The following PCDHA6 variants were observed in gnomAD, a reference collection of about 807,000 sequenced individuals.
The protein encoded by PCDHA6 is protocadherin alpha 6, also known as protocadherin alpha-6.
Under a neutral mutation model 60.3 loss-of-function variants are expected in PCDHA6, and 55 were observed. The observed-to-expected ratio is 0.91, with a 90% CI of 0.73 to 1.14. The LOEUF is 1.14. Among genes scored for constraint, PCDHA6 ranks in the 50% most tolerant of loss-of-function variants. The probability of loss-of-function intolerance (pLI) is 0.00; values close to 1 mark genes in which losing one functional copy is unlikely to be tolerated. For missense variants in PCDHA6, 1,327 were observed against 1,256.5 expected, an observed-to-expected ratio of 1.06 and a Z score of -0.85; for synonymous variants, 652 against 557.9, an observed-to-expected ratio of 1.17 and a Z score of -2.38.
chr5:140,917,030 G>A (rs1220107705), intron 1 of PCDHA6, among the ~76,000 whole-genome samples: 3 of 152,164 alleles, frequency 2.0e-5, no homozygotes, highest in Non-Finnish European at 4.4e-5. Context: ...GCTGCTGGCT[G>A]AGTCCAGCAC....
At chr5:140,966,805 T>G in intron 1 of PCDHA6, 1 of 1,545,566 alleles carries the variant, frequency 6.5e-7, no homozygotes, top group East Asian at 2.4e-5. Context: ...CGACAGAGCA[T>G]CCACGGCTCC....
intron 1 of PCDHA6, among the ~76,000 whole-genome samples, chr5:140,874,292 G>C (rs1554167129): frequency 2.0e-5 from 3 of 152,146 alleles, no homozygotes; most frequent in Non-Finnish European, 4.4e-5. Context: ...AAATCTATGT[G>C]TACTTGTTCA....
chr5:140,986,218 T>A (rs2153838096), intron 3 of PCDHA6, among the ~76,000 whole-genome samples: 1 of 152,304 alleles, frequency 6.6e-6, no homozygotes, highest in Non-Finnish European at 1.5e-5. Flanking sequence ...GGCCCCTTTC[T>A]CTAGCCTCCC....
At chr5:140,866,827 AT>A (rs1488157876) in intron 1 of PCDHA6, 1 of 152,132 alleles carries the variant, frequency 6.6e-6, no homozygotes, top group Non-Finnish European at 1.5e-5. Context: ...TCTTCAATTG[AT>A]TTTACAAAAT....
At chr5:140,835,918 C>T (rs1554135453) in intron 1 of PCDHA6, 3 of 1,612,332 alleles carry the variant, frequency 1.9e-6, no homozygotes, top group Non-Finnish European at 2.5e-6. Flanking sequence ...TCAGTGCACG[C>T]GGAGAGCGGC....
chr5:140,883,870 G>A, intron 1 of PCDHA6: 1 of 1,613,302 alleles, frequency 6.2e-7, no homozygotes. Flanking sequence ...TGCAGTTCCA[G>A]GTGAGCGCGC....
intron 1 of PCDHA6, among the ~76,000 whole-genome samples, chr5:140,943,172 C>T (rs1370908273): frequency 2.7e-5 from 4 of 148,068 alleles, no homozygotes; most frequent in African/African-American, 1.0e-4. Context: ...GCAGGAAAAT[C>T]GCTTGAACCC....
chr5:140,870,972 G>A, intron 1 of PCDHA6: 2 of 1,613,640 alleles, frequency 1.2e-6, no homozygotes, highest in Non-Finnish European at 1.7e-6. Flanking sequence ...CGTTCCGCGT[G>A]GGGCTGTACA....
At chr5:140,884,469 C>A in intron 1 of PCDHA6, 1 of 1,613,766 alleles carries the variant, frequency 6.2e-7, no homozygotes, top group Non-Finnish European at 8.5e-7. Flanking sequence ...GCGTGCGCGC[C>A]GGGCAAGCCC....
chr5:140,836,804 T>C, intron 1 of PCDHA6: 1 of 1,321,042 alleles, frequency 7.6e-7, no homozygotes, highest in East Asian at 2.4e-5. Flanking sequence ...CTCCTTAAAT[T>C]TTCTTTCATA....
chr5:141,010,869 A>T lies in PCDHA6; in HGVS notation c.*932A>T, dbSNP rs1434984330. The T allele has an allele frequency of 1.3e-5, 2 of 153,786 alleles. No individual in the cohort carries two copies. Among genetic ancestry groups the T allele is most frequent in the African/African-American group, 4.8e-5 (2 of 41,464 alleles). The allele number at this position is 153,786 out of a possible 1,614,324, so 9.5% of individuals were successfully genotyped here. On this transcript the variant is annotated 3_prime_UTR_variant, in exon 4 of 4. Coordinates refer to ENST00000529310, the MANE Select transcript of PCDHA6 (RefSeq NM_018909.4). Reference sequence around the variant, plus strand: ...AAAAAAAGAGAAAGTCTATAGCTATAAATCTTTAAAGAGAAATATGAATAC... The same window carrying T: ...AAAAAAAGAGAAAGTCTATAGCTATTAATCTTTAAAGAGAAATATGAATAC...
chr5:140,962,269 T>A (rs1554225906), intron 1 of PCDHA6, among the ~76,000 whole-genome samples: 1 of 152,194 alleles, frequency 6.6e-6, no homozygotes, highest in Non-Finnish European at 1.5e-5. Flanking sequence ...TTTTATAATT[T>A]AAAAAACCTC....
At chr5:140,877,317 G>T (rs535177109) in intron 1 of PCDHA6, 2 of 1,614,004 alleles carry the variant, frequency 1.2e-6, no homozygotes, top group South Asian at 1.1e-5. Context: ...AACCGGCGGC[G>T]GTCGGCGCGC....
At chr5:140,869,325 T>C in intron 1 of PCDHA6, 2 of 1,613,866 alleles carry the variant, frequency 1.2e-6, no homozygotes, top group Non-Finnish European at 1.7e-6. Flanking sequence ...ATGGGGACCT[T>C]CTGGAGGTAA....
chr5:140,852,967 C>T (rs1446312366), intron 1 of PCDHA6: 3 of 408,074 alleles, frequency 7.4e-6, no homozygotes, highest in South Asian at 2.0e-4. Flanking sequence ...CAAGCTCCCC[C>T]TCCCGTGTTC....
intron 2 of PCDHA6, 80 bp downstream of exon 2, chr5:140,979,087 A>C (rs1284249394): frequency 6.4e-7 from 1 of 1,561,170 alleles, no homozygotes; most frequent in Non-Finnish European, 8.7e-7. Flanking sequence ...CATAGGCCAG[A>C]AGCAGCTGTC....
Position 140,965,675 on chromosome 5 carries a change from A to C in PCDHA6, c.2395-13274A>C, listed in dbSNP as rs1049081993. 1.3e-4 allele frequency among the ~76,000 whole-genome samples: 20 copies of C among 152,350 alleles called. No homozygotes were observed. The Middle Eastern group carries it at 0.01, about 78-fold the overall frequency. ...AAATGTCTTGGGTGATAAATGTAAA[A>C]GATTTGAAGCAAGATTAGAAAAAGC... On this transcript the variant is annotated intron_variant, in intron 1 of 3. Transcript: ENST00000529310.
Position 141,010,042 on chromosome 5 carries a change from TAGAGACCTCAG to T in PCDHA6, c.*107_*117del. ...TTTTTCCTATCTACATGAGCCCTCTTAGAGACCTCAGAAATCTGCAGAAAGTTCCCTGTGTC... is the reference window on the plus strand; with the variant it reads ...TTTTTCCTATCTACATGAGCCCTCTTAAATCTGCAGAAAGTTCCCTGTGTC... On this transcript the variant is annotated 3_prime_UTR_variant, in exon 4 of 4. Transcript: ENST00000529310. 6.3e-7 allele frequency: 1 copy of T among 1,594,374 alleles called. No individual in the cohort carries two copies. The highest frequency in any genetic ancestry group is 1.2e-5 in the South Asian group (1 of 86,942).
intron 1 of PCDHA6, among the ~76,000 whole-genome samples, chr5:140,886,185 G>A (rs2060887176): frequency 6.6e-6 from 1 of 152,072 alleles, no homozygotes; most frequent in African/African-American, 2.4e-5. Context: ...CCTAATGCTG[G>A]CAAGCAGTAA....
Sources: gnomAD v4.1 joint callset for allele counts (sites outside exome capture counted in the v4.1 genomes callset) on GRCh38, gnomAD v4.1.1 for gene constraint, MANE v1.5 for transcripts, NCBI Gene and HGNC (gene_info 2026-07-23, HGNC 2026-07-21) for gene names.